TMEM178B: variants seen among roughly 807,000 people sequenced by gnomAD.
The protein encoded by TMEM178B is transmembrane protein 178B.
TMEM178B carries 5 observed loss-of-function variants against 31.0 expected under a neutral mutation model. That is an observed-to-expected ratio of 0.16 (90% confidence interval 0.08 to 0.34). The LOEUF is 0.34. Among genes scored for constraint, TMEM178B ranks in the 10% least tolerant of loss-of-function variants. The pLI is 1.00. For missense variants in TMEM178B, 275 were observed against 400.3 expected (o/e 0.69, Z 2.67); for synonymous variants, 164 against 164.0 (o/e 1.00, Z 0.00).
At chr7:141,192,829 G>A (rs561216703) in intron 1 of TMEM178B, among the ~76,000 whole-genome samples, 18 of 152,302 alleles carry the variant, frequency 1.2e-4, no homozygotes, top group East Asian at 7.7e-4. Context: ...ACTTGCTTTG[G>A]TGGTTTCATA....
chr7:141,470,834 T>A lies in TMEM178B; in HGVS notation c.*48T>A. 1.1e-6 allele frequency: 1 copy of A among 949,260 alleles called. No homozygotes were observed. The allele number at this position is 949,260 out of a possible 1,614,324, so 58.8% of individuals were successfully genotyped here. A position where few individuals can be genotyped will look rare whatever the true frequency, so the allele number is the denominator to read the frequency against. On this transcript the variant is annotated 3_prime_UTR_variant, in exon 4 of 4. Transcript: ENST00000565468. ...TATATATATAAATATATATATATAA[T>A]ATACATATATAAAACAAAACAAAAC...
rs185764728 is a variant in TMEM178B, at chr7:141,131,508, C to T, written c.382+56816C>T. ...CAGCCCCAACCAATCACAAATCTGACTTCTTTTAGTATAGATTAGTTTTGC... is the reference window on the plus strand; with the variant it reads ...CAGCCCCAACCAATCACAAATCTGATTTCTTTTAGTATAGATTAGTTTTGC... On this transcript the variant is annotated intron_variant, in intron 1 of 3. Coordinates refer to ENST00000565468, the MANE Select transcript of TMEM178B (RefSeq NM_001195278.2). Among the ~76,000 whole-genome samples the T allele has an allele frequency of 7.9e-5, 12 of 152,212 alleles. No homozygotes were observed. The East Asian group carries it at 2.3e-3, about 29-fold the overall frequency.
intron 2 of TMEM178B, among the ~76,000 whole-genome samples, chr7:141,307,900 G>C (rs1798841687): frequency 6.6e-6 from 1 of 152,160 alleles, no homozygotes; most frequent in South Asian, 2.1e-4. Flanking sequence ...TAGAAATATG[G>C]AACCAACATT....
intron 1 of TMEM178B, among the ~76,000 whole-genome samples, chr7:141,211,437 A>G (rs532621935): frequency 6.6e-6 from 1 of 152,344 alleles, no homozygotes; most frequent in South Asian, 2.1e-4. Context: ...ACAGTGGGCT[A>G]GGGGGTCAAA....
At chr7:141,315,263 A>G (rs1044357674) in intron 2 of TMEM178B, among the ~76,000 whole-genome samples, 2 of 152,226 alleles carry the variant, frequency 1.3e-5, no homozygotes, top group East Asian at 3.9e-4. Flanking sequence ...AAATCCCCTC[A>G]TGCCTCCACC....
rs540397320 is a variant in TMEM178B at position 141,187,170 on chromosome 7, C to T, written c.383-25421C>T. 2.1e-5 allele frequency among the ~76,000 whole-genome samples: 3 copies of T among 145,228 alleles called. No homozygotes were observed. In the East Asian group the frequency reaches 6.2e-4, roughly 30 times the overall value. On this transcript the variant is annotated intron_variant, in intron 1 of 3. Transcript: ENST00000565468. ...TGTGTTCTCATTGTTCAATTCCCAC[C>T]TATGAGTGAGAACATGTGGTGTTTG...
At chr7:141,237,102 TG>T (rs1368935698) in intron 2 of TMEM178B, among the ~76,000 whole-genome samples, 1 of 152,258 alleles carries the variant, frequency 6.6e-6, no homozygotes, top group Admixed American at 6.5e-5. Context: ...TGTTTTGTTT[TG>T]TTTTTTTACC....
At chr7:141,096,446 G>T (rs1250729178) in intron 1 of TMEM178B, among the ~76,000 whole-genome samples, 1 of 152,180 alleles carries the variant, frequency 6.6e-6, no homozygotes, top group African/African-American at 2.4e-5. Context: ...AGAAGGCAAG[G>T]ACTGAAGATG....
intron 3 of TMEM178B, among the ~76,000 whole-genome samples, chr7:141,463,881 A>C (rs1412452374): frequency 1.3e-5 from 2 of 152,204 alleles, no homozygotes; most frequent in Admixed American, 1.3e-4. Flanking sequence ...GGATACAGGA[A>C]TACAGGCATT....
chr7:141,106,693 C>T (rs1173802421), intron 1 of TMEM178B, among the ~76,000 whole-genome samples: 2 of 152,162 alleles, frequency 1.3e-5, no homozygotes, highest in African/African-American at 4.8e-5. Flanking sequence ...CCTGGGAACC[C>T]AGTGGTCCTC....
At position 141,470,827 on chromosome 7, in the gene TMEM178B, T is replaced by C. The variant is rs1246910022; in HGVS notation, c.*41T>C. 1.0e-6 allele frequency: 1 copy of C among 978,154 alleles called. No individual in the cohort carries two copies. The highest frequency in any genetic ancestry group is 1.3e-6 in the Non-Finnish European group (1 of 788,468). The allele number at this position is 978,154 out of a possible 1,614,324, so 60.6% of individuals were successfully genotyped here. On this transcript the variant is annotated 3_prime_UTR_variant, in exon 4 of 4. Transcript: ENST00000565468. Reference sequence around the variant, plus strand: ...ATACATATATATATATAAATATATATATATAATATACATATATAAAACAAA... The same window carrying C: ...ATACATATATATATATAAATATATACATATAATATACATATATAAAACAAA...
chr7:141,316,618 C>T (rs564680156), intron 2 of TMEM178B, among the ~76,000 whole-genome samples: 24 of 152,222 alleles, frequency 1.6e-4, no homozygotes, highest in Middle Eastern at 3.4e-3. Flanking sequence ...ATTTCCCACA[C>T]GTTTACCTCT....
intron 2 of TMEM178B, among the ~76,000 whole-genome samples, chr7:141,405,475 T>C (rs1800868028): frequency 6.6e-6 from 1 of 152,230 alleles, no homozygotes; most frequent in African/African-American, 2.4e-5. Flanking sequence ...GTTTCCTAAC[T>C]TAAGGAGGAG....
chr7:141,077,912 C>A (rs1230520977), intron 1 of TMEM178B, among the ~76,000 whole-genome samples: 1 of 152,118 alleles, frequency 6.6e-6, no homozygotes, highest in Non-Finnish European at 1.5e-5. Flanking sequence ...GGAAAACAGA[C>A]AATTCTGTTT....
At chr7:141,394,056 T>C (rs1800593999) in intron 2 of TMEM178B, among the ~76,000 whole-genome samples, 1 of 152,106 alleles carries the variant, frequency 6.6e-6, no homozygotes, top group East Asian at 1.9e-4. Flanking sequence ...AGTGGCAAGC[T>C]CTGTCACTTG....
At chr7:141,224,087 TA>T (rs1378652844) in intron 2 of TMEM178B, among the ~76,000 whole-genome samples, 1 of 152,206 alleles carries the variant, frequency 6.6e-6, no homozygotes, top group Admixed American at 6.5e-5. Context: ...GATGTTTTTA[TA>T]AAGCGTTTCC....
At chr7:141,414,723 C>G (rs1008417939) in intron 2 of TMEM178B, 1 of 152,308 alleles carries the variant, frequency 6.6e-6, no homozygotes, top group East Asian at 1.9e-4. Context: ...ACTCACATAC[C>G]CACAAATACA....
chr7:141,423,099 G>T (rs1801243930), intron 2 of TMEM178B, among the ~76,000 whole-genome samples: 1 of 152,178 alleles, frequency 6.6e-6, no homozygotes, highest in Non-Finnish European at 1.5e-5. Context: ...GAGTGCAGTG[G>T]CGTGATCTCG....
At position 141,408,644 on chromosome 7, in the gene TMEM178B, G is replaced by A. The variant is rs571737752; in HGVS notation, c.497-28964G>A. On this transcript the variant is annotated intron_variant, in intron 2 of 3. Transcript: ENST00000565468. ...TGGATGAATGAATGAATGAATGAAT[G>A]AGCATGGGGGCAGAGAGAATGCAGT... Among the ~76,000 whole-genome samples, 348 of 152,322 alleles carry A rather than the reference G, an allele frequency of 2.3e-3. 2 individuals carry two copies. Among genetic ancestry groups the A allele is most frequent in the African/African-American group, 8.0e-3 (331 of 41,570 alleles).
Sources: allele counts gnomAD v4.1 joint callset (sites outside exome capture counted in the v4.1 genomes callset), GRCh38; gene constraint gnomAD v4.1.1; transcripts MANE v1.5; gene names NCBI Gene and HGNC (gene_info 2026-07-23, HGNC 2026-07-21).